The following KMT5B variants were observed in gnomAD, a reference collection of about 807,000 sequenced individuals.
KMT5B encodes the protein histone-lysine N-methyltransferase KMT5B.
In KMT5B, 10 loss-of-function variants were observed where a neutral mutation model predicts 83.2. That is an observed-to-expected ratio of 0.12 (90% CI 0.07 to 0.20). The LOEUF (loss-of-function observed/expected upper bound fraction) is 0.20, where lower values mean the gene tolerates loss of function less well. Ranked by LOEUF, KMT5B falls within the 10% of genes least tolerant of loss-of-function variation. KMT5B has a pLI of 1.00. For synonymous variants in KMT5B, 349 were observed against 388.8 expected (o/e 0.90, Z 1.20); for missense variants, 753 against 1,067.2 (o/e 0.71, Z 4.10).
chr11:68,163,133 G>A (rs1340836088), intron 10 of KMT5B, among the ~76,000 whole-genome samples: 1 of 152,216 alleles, frequency 6.6e-6, no homozygotes, highest in African/African-American at 2.4e-5. Flanking sequence ...TGCCTCGTAT[G>A]ACTCTTCCCC....
rs1352948005 is a variant in KMT5B, at chr11:68,158,071, CAT to C, written c.2273_2274del (p.Tyr758CysfsTer5). ...SKDHDNDNNL[Y>X]VAKLNNGFNS... ...TTAAATCCATTATTAAGCTTTGCTA[CAT>C]AGAGATTGTTATCGTTGTCATGGTC... On this transcript the variant is annotated frameshift_variant, in exon 11 of 11. Transcript: ENST00000304363. LOFTEE classifies it high-confidence loss of function. 6.2e-7 allele frequency: 1 copy of C among 1,614,036 alleles called. No homozygotes were observed. The highest frequency in any genetic ancestry group is 8.5e-7 in the Non-Finnish European group (1 of 1,180,032).
chr11:68,161,619 C>T (rs1854877460), intron 10 of KMT5B, among the ~76,000 whole-genome samples: 1 of 152,140 alleles, frequency 6.6e-6, no homozygotes, highest in South Asian at 2.1e-4. Flanking sequence ...ACCCAGCACA[C>T]ACTCCTCAGC....
At chr11:68,162,642 AACATTCACTGTTG>A (rs1590927985) in intron 10 of KMT5B, among the ~76,000 whole-genome samples, 1 of 152,140 alleles carries the variant, frequency 6.6e-6, no homozygotes, top group East Asian at 1.9e-4. Context: ...CTCCTTCCAA[AACATTCACTGTTG>A]ACAACAGAAA....
rs537855522 is a variant in KMT5B at position 68,156,707 on chromosome 11, CTTTT to C, written c.*977_*980del. The C allele has an allele frequency of 2.0e-5, 3 of 152,606 alleles. No individual in the cohort carries two copies. In the South Asian group the frequency reaches 6.2e-4, roughly 32 times the overall value. The allele number at this position is 152,606 out of a possible 1,614,324, so 9.5% of individuals were successfully genotyped here. A position where few individuals can be genotyped will look rare whatever the true frequency, so the allele number is the denominator to read the frequency against. On this transcript the variant is annotated 3_prime_UTR_variant, in exon 11 of 11. Transcript: ENST00000304363. ...CTTTACATTGAATCTCAAAGACAAA[CTTTT>C]TTTATAGGTTACCACAGAACAAAAG...
chr11:68,158,609 C>A lies in KMT5B; in HGVS notation c.1737G>T (p.Leu579=). The change falls in exon 11 of 11, where the codon CTG becomes CTT. Residue 579 remains leucine, a synonymous_variant. Transcript: ENST00000304363. ...CCTCCTGCAGCACAGGAGCTGGCTGCAGCTGTTCACCACTGTCGGGGCAAG... is the reference window on the plus strand; with the variant it reads ...CCTCCTGCAGCACAGGAGCTGGCTGAAGCTGTTCACCACTGTCGGGGCAAG... ...TEPCPDSGEQ[L]QPAPVLQEEE... The A allele has an allele frequency of 6.2e-7, 1 of 1,614,182 alleles. No individual in the cohort carries two copies. The highest frequency in any genetic ancestry group is 8.5e-7 in the Non-Finnish European group (1 of 1,180,034).
chr11:68,187,712 T>C (rs1391024959), intron 2 of KMT5B, among the ~76,000 whole-genome samples: 1 of 152,258 alleles, frequency 6.6e-6, no homozygotes, highest in Non-Finnish European at 1.5e-5. Flanking sequence ...AGCTGTTCTA[T>C]CCATTATTAA....
intron 10 of KMT5B, among the ~76,000 whole-genome samples, chr11:68,161,216 T>C (rs565612975): frequency 9.2e-5 from 14 of 152,190 alleles, no homozygotes; most frequent in African/African-American, 2.4e-4. Context: ...TAATAAGAAA[T>C]TTAGAAAATA....
chr11:68,204,837 G>A (rs1309512722), intron 1 of KMT5B, among the ~76,000 whole-genome samples: 4 of 151,904 alleles, frequency 2.6e-5, no homozygotes, highest in South Asian at 2.1e-4. Flanking sequence ...GGATGGTCTC[G>A]AACTCTTGAC....
chr11:68,174,141 G>A (rs566376647), intron 5 of KMT5B: 2 of 599,440 alleles, frequency 3.3e-6, no homozygotes, highest in African/African-American at 1.8e-5. Flanking sequence ...GAGCCCAAGA[G>A]ATGGAAGCTG....
In KMT5B at chr11:68,188,066, C is replaced by G. The variant is rs1172058100; in HGVS notation, c.160+1851G>C. On this transcript the variant is annotated intron_variant, in intron 2 of 10. Transcript: ENST00000304363. Reference sequence around the variant, plus strand: ...TTGAGATGGAGTCTCGCTCTGTCGCCCAGGCTGGAGTGCAGTGACGCAATC... The same window carrying G: ...TTGAGATGGAGTCTCGCTCTGTCGCGCAGGCTGGAGTGCAGTGACGCAATC... 2.6e-5 allele frequency among the ~76,000 whole-genome samples: 4 copies of G among 151,034 alleles called. No individual in the cohort carries two copies. In the East Asian group the frequency reaches 7.8e-4, roughly 29 times the overall value.
intron 1 of KMT5B, among the ~76,000 whole-genome samples, chr11:68,200,059 G>C (rs976547031): frequency 6.6e-6 from 1 of 152,084 alleles, no homozygotes; most frequent in Admixed American, 6.5e-5. Context: ...AGATCCAACT[G>C]GAGTTGGCAG....
In KMT5B at chr11:68,196,970, CT is replaced by C. The variant is rs925741065; in HGVS notation, c.-76-6819del. 1.2e-3 allele frequency among the ~76,000 whole-genome samples: 178 copies of C among 146,074 alleles called. 1 individual carries two copies. The highest frequency in any genetic ancestry group is 2.7e-3 in the African/African-American group (106 of 39,976). ...AATAGAAAGGTTATCCATGGAGAGT[CT>C]TTTTTTTTTTCTTTTTTTGAGACGG... On this transcript the variant is annotated intron_variant, in intron 1 of 10. Coordinates refer to ENST00000304363, the MANE Select transcript of KMT5B (RefSeq NM_017635.5).
intron 1 of KMT5B, among the ~76,000 whole-genome samples, chr11:68,209,401 CAG>C (rs1303562468): frequency 2.6e-5 from 4 of 152,116 alleles, no homozygotes; most frequent in Admixed American, 1.3e-4. Flanking sequence ...GAAAACCAAA[CAG>C]ATGCATAAGG....
chr11:68,194,340 C>G (rs1188818193), intron 1 of KMT5B, among the ~76,000 whole-genome samples: 1 of 151,912 alleles, frequency 6.6e-6, no homozygotes, highest in Admixed American at 6.6e-5. Flanking sequence ...TACAGGTGTG[C>G]ACCACCATGC....
intron 2 of KMT5B, among the ~76,000 whole-genome samples, chr11:68,188,345 C>G (rs1857659216): frequency 6.9e-6 from 1 of 145,278 alleles, no homozygotes; most frequent in Non-Finnish European, 1.5e-5. Context: ...TTTCTAAACT[C>G]TTTTTTTTTT....
In KMT5B at chr11:68,193,699, T is replaced by C. The variant is rs998491000; in HGVS notation, c.-76-3547A>G. On this transcript the variant is annotated intron_variant, in intron 1 of 10. Coordinates refer to ENST00000304363, the MANE Select transcript of KMT5B (RefSeq NM_017635.5). ...CTACATCAGTTATAAGCTAAGGATT[T>C]TTCAATTATTAAATTTTACCAAATT... Among the ~76,000 whole-genome samples the C allele has an allele frequency of 3.3e-5, 5 of 152,320 alleles. No individual in the cohort carries two copies. In the South Asian group the frequency reaches 6.2e-4, roughly 19 times the overall value.
chr11:68,182,256 G>T (rs543955363), intron 3 of KMT5B, among the ~76,000 whole-genome samples: 1 of 152,206 alleles, frequency 6.6e-6, no homozygotes, highest in Admixed American at 6.5e-5. Context: ...CACTTAGCAC[G>T]TCACAATGAA....
Position 68,157,882 on chromosome 11 carries a change from C to T in KMT5B, c.2464G>A (p.Glu822Lys), listed in dbSNP as rs752979595. 5 of 1,613,888 alleles carry T rather than the reference C, an allele frequency of 3.1e-6. No individual in the cohort carries two copies. In the African/African-American group the frequency reaches 6.7e-5, roughly 22 times the overall value. Reference protein sequence around the residue: ...RMEVDDYSQYEEESTDDSSSS... With the variant: ...RMEVDDYSQYKEESTDDSSSS... ...GAGGAATCATCTGTACTTTCTTCCT[C>T]ATACTGACTATAGTCATCCACCTCC... is the stretch of plus-strand genomic sequence containing the variant. Residue 822 changes from glutamate (E) to lysine (K), a missense_variant, in exon 11 of 11, where the codon GAG becomes AAG. By Grantham distance (56) the Glu-to-Lys change is moderately conservative (BLOSUM62 1). This residue lies in a region of KMT5B where 161 missense variants were observed against 195.1 expected (regional missense o/e 0.83). Coordinates refer to ENST00000304363, the MANE Select transcript of KMT5B (RefSeq NM_017635.5).
chr11:68,194,549 A>G (rs1318451250), intron 1 of KMT5B, among the ~76,000 whole-genome samples: 1 of 152,218 alleles, frequency 6.6e-6, no homozygotes, highest in Non-Finnish European at 1.5e-5. Context: ...GAATTTCAAT[A>G]ACCTCGTCAA....
Sources: allele counts gnomAD v4.1 joint callset (sites outside exome capture counted in the v4.1 genomes callset), GRCh38; gene constraint gnomAD v4.1.1; regional missense constraint gnomAD v4.1.1; transcripts MANE v1.5; gene names NCBI Gene and HGNC (gene_info 2026-07-23, HGNC 2026-07-21).